The following TMEM117 variants were observed in gnomAD, a reference collection of about 807,000 sequenced individuals.
TMEM117 encodes transmembrane protein 117.
A neutral mutation model predicts 52.4 loss-of-function variants in TMEM117; 27 were observed. That is an observed-to-expected ratio of 0.51 (90% CI 0.38 to 0.71). TMEM117 has a LOEUF of 0.71. Among genes scored for constraint, TMEM117 ranks in the 30% least tolerant of loss-of-function variants. The pLI, the probability that TMEM117 is intolerant of heterozygous loss-of-function variation, is 0.00. For synonymous variants in TMEM117, 215 were observed against 206.3 expected, an observed-to-expected ratio of 1.04 and a Z score of -0.36; for missense variants, 556 against 630.5, an observed-to-expected ratio of 0.88 and a Z score of 1.26.
chr12:44,316,615 G>T (rs192266821), intron 6 of TMEM117, among the ~76,000 whole-genome samples: 59 of 152,082 alleles, frequency 3.9e-4, no homozygotes, highest in African/African-American at 1.2e-3. Flanking sequence ...TCTTGTTCCT[G>T]GGTGTCTACC....
At chr12:44,380,768 C>A (rs1280057756) in intron 7 of TMEM117, among the ~76,000 whole-genome samples, 2 of 152,130 alleles carry the variant, frequency 1.3e-5, no homozygotes, top group Non-Finnish European at 2.9e-5. Flanking sequence ...TTTCATCTGG[C>A]CAGAGATTGT....
chr12:43,850,151 C>T (rs903455814), intron 2 of TMEM117, among the ~76,000 whole-genome samples: 4 of 152,072 alleles, frequency 2.6e-5, no homozygotes, highest in South Asian at 2.1e-4. Flanking sequence ...AGCCATGTCT[C>T]GGTACCTGTG....
chr12:44,348,397 G>T (rs933549324), intron 6 of TMEM117, among the ~76,000 whole-genome samples: 1 of 151,516 alleles, frequency 6.6e-6, no homozygotes, highest in Non-Finnish European at 1.5e-5. Flanking sequence ...GACCCTTCCT[G>T]CCATCATCAC....
chr12:43,890,097 G>A (rs904835199), intron 2 of TMEM117, among the ~76,000 whole-genome samples: 13 of 152,146 alleles, frequency 8.5e-5, no homozygotes, highest in African/African-American at 2.4e-4. Context: ...GGTCTTAAAA[G>A]GGGTATTTGG....
intron 5 of TMEM117, chr12:44,248,746 G>T: frequency 5.9e-6 from 1 of 169,308 alleles, no homozygotes. Context: ...CACAGTGCCT[G>T]ATGCACCAGG....
the TMEM117 span, among the ~76,000 whole-genome samples, chr12:43,807,785 A>G: frequency 6.6e-6 from 1 of 152,190 alleles, no homozygotes; most frequent in African/African-American, 2.4e-5. Flanking sequence ...CTGCCAGTAC[A>G]ATAGTTTGAC....
At chr12:44,047,902 A>C (rs1946905127) in intron 3 of TMEM117, among the ~76,000 whole-genome samples, 1 of 152,176 alleles carries the variant, frequency 6.6e-6, no homozygotes. Context: ...AAATAAGTTG[A>C]GAAAAGTTCC....
At chr12:44,161,144 T>C (rs1948892811) in intron 4 of TMEM117, among the ~76,000 whole-genome samples, 1 of 152,190 alleles carries the variant, frequency 6.6e-6, no homozygotes, top group Non-Finnish European at 1.5e-5. Context: ...CATATTTCTC[T>C]TTACTCAATA....
At chr12:43,833,608 C>G (rs1412243366), upstream of TMEM117, among the ~76,000 whole-genome samples, 1 of 151,810 alleles carries the variant, frequency 6.6e-6, no homozygotes, top group Admixed American at 6.6e-5. Context: ...AGGTGGGCAA[C>G]GTAGACCCTG....
chr12:44,027,865 T>G (rs532642905), intron 3 of TMEM117, among the ~76,000 whole-genome samples: 149 of 152,288 alleles, frequency 9.8e-4, no homozygotes, highest in African/African-American at 3.4e-3. Context: ...TGTTACACAC[T>G]CTTAAGTTTT....
chr12:44,174,260 G>GT (rs1949087918), intron 4 of TMEM117, among the ~76,000 whole-genome samples: 1 of 152,012 alleles, frequency 6.6e-6, no homozygotes, highest in South Asian at 2.1e-4. Context: ...GCCTACCATT[G>GT]TTTTTTGTAA....
At chr12:44,198,475 A>G (rs1455610215) in intron 4 of TMEM117, among the ~76,000 whole-genome samples, 1 of 152,108 alleles carries the variant, frequency 6.6e-6, no homozygotes, top group Non-Finnish European at 1.5e-5. Context: ...AGAAAAATTA[A>G]CCAGAAACTC....
At chr12:44,180,863 T>C (rs1280256317) in intron 4 of TMEM117, among the ~76,000 whole-genome samples, 2 of 152,088 alleles carry the variant, frequency 1.3e-5, no homozygotes, top group East Asian at 3.9e-4. Context: ...TTTGGGTATA[T>C]ACCCAGTAAT....
intron 2 of TMEM117, among the ~76,000 whole-genome samples, chr12:43,885,250 C>G (rs1470675364): frequency 6.6e-6 from 1 of 152,076 alleles, no homozygotes; most frequent in Non-Finnish European, 1.5e-5. Context: ...CTAGTCAGGG[C>G]GGGCTGTGTA....
At chr12:43,963,992 A>T (rs1418181451) in intron 3 of TMEM117, among the ~76,000 whole-genome samples, 2 of 152,178 alleles carry the variant, frequency 1.3e-5, no homozygotes, top group Non-Finnish European at 1.5e-5. Context: ...ATCAATCAGG[A>T]TAGGTTAGAT....
At chr12:43,946,031 A>G (rs1230423886) in intron 3 of TMEM117, among the ~76,000 whole-genome samples, 1 of 152,270 alleles carries the variant, frequency 6.6e-6, no homozygotes, top group Non-Finnish European at 1.5e-5. Context: ...GTGATTTTAG[A>G]TAAAATGTTC....
At chr12:44,372,062 C>CGT (rs1395539927) in intron 6 of TMEM117, among the ~76,000 whole-genome samples, 3 of 152,142 alleles carry the variant, frequency 2.0e-5, no homozygotes, top group Admixed American at 2.0e-4. Flanking sequence ...ATTGGAGTAG[C>CGT]GTAATACCTT....
At chr12:44,217,489 C>T (rs537545754) in intron 5 of TMEM117, among the ~76,000 whole-genome samples, 73 of 152,210 alleles carry the variant, frequency 4.8e-4, no homozygotes, top group Non-Finnish European at 8.2e-4. Flanking sequence ...ATTTCCCCTG[C>T]TGTCCAGAGC....
intron 4 of TMEM117, among the ~76,000 whole-genome samples, chr12:44,182,815 G>T (rs1216389219): frequency 6.6e-6 from 1 of 152,148 alleles, no homozygotes; most frequent in Non-Finnish European, 1.5e-5. Flanking sequence ...GAGTCGGTCA[G>T]TAGCACCTCC....
Sources: gnomAD v4.1 joint callset for allele counts (sites outside exome capture counted in the v4.1 genomes callset) on GRCh38, gnomAD v4.1.1 for gene constraint, MANE v1.5 for transcripts, NCBI Gene and HGNC (gene_info 2026-07-23, HGNC 2026-07-21) for gene names.